ICA1: variants seen among roughly 807,000 people sequenced by gnomAD.
ICA1 encodes the protein 69 kDa islet cell autoantigen.
ICA1 carries 40 observed loss-of-function variants against 71.0 expected under a neutral mutation model. The ratio of observed to expected loss-of-function variants is 0.56; its 90% CI spans 0.44 to 0.73. The LOEUF is 0.73. Among genes scored for constraint, ICA1 ranks in the 30% least tolerant of loss-of-function variants. ICA1 has a pLI of 0.00. For missense variants in ICA1, 578 were observed against 576.5 expected (o/e 1.00, Z -0.03); for synonymous variants, 207 against 209.5 (o/e 0.99, Z 0.10).
rs562135662 is a variant in ICA1, at chr7:8,231,127, G to A, written c.183+1463C>T. On this transcript the variant is annotated intron_variant, in intron 3 of 13. Transcript: ENST00000402384. Reference sequence around the variant, plus strand: ...TGGACAGGCAGTGACTCGAAACAGCGTGACCTTTAGGCTGAAACCTGAACT... The same window carrying A: ...TGGACAGGCAGTGACTCGAAACAGCATGACCTTTAGGCTGAAACCTGAACT... Among the ~76,000 whole-genome samples the A allele has an allele frequency of 7.2e-5, 11 of 152,262 alleles. No homozygotes were observed. In the South Asian group the frequency reaches 1.9e-3, roughly 26 times the overall value.
chr7:8,150,085 G>C (rs564081742), intron 8 of ICA1, among the ~76,000 whole-genome samples: 19 of 152,292 alleles, frequency 1.2e-4, no homozygotes, highest in African/African-American at 4.6e-4. Flanking sequence ...TCATAAACAA[G>C]ATAGGTAATA....
At chr7:8,183,568 G>A (rs1377772199) in intron 6 of ICA1, among the ~76,000 whole-genome samples, 1 of 152,204 alleles carries the variant, frequency 6.6e-6, no homozygotes, top group Non-Finnish European at 1.5e-5. Flanking sequence ...GGGGCTAGAA[G>A]ACTTGGGCTA....
chr7:8,236,559 T>C (rs924245671), intron 1 of ICA1, among the ~76,000 whole-genome samples: 46 of 152,070 alleles, frequency 3.0e-4, no homozygotes, highest in African/African-American at 1.1e-3. Context: ...AACCAGCACA[T>C]TGCAAAAATA....
intron 8 of ICA1, among the ~76,000 whole-genome samples, chr7:8,150,264 C>T (rs914796118): frequency 7.2e-5 from 11 of 152,228 alleles, no homozygotes; most frequent in Middle Eastern, 3.4e-3. Flanking sequence ...GACGAGTATT[C>T]GTCTTGTGAT....
At chr7:8,242,384 T>C (rs972949238) in intron 1 of ICA1, among the ~76,000 whole-genome samples, 3 of 152,100 alleles carry the variant, frequency 2.0e-5, no homozygotes, top group Non-Finnish European at 4.4e-5. Flanking sequence ...AAAGACACAA[T>C]GTACCAGAAT....
intron 8 of ICA1, among the ~76,000 whole-genome samples, chr7:8,147,766 T>A (rs1424015965): frequency 6.6e-6 from 1 of 151,104 alleles, no homozygotes; most frequent in Non-Finnish European, 1.5e-5. Flanking sequence ...ACCATAGAAT[T>A]CACCTAACTG....
chr7:8,245,816 G>T (rs1805780028), intron 1 of ICA1, among the ~76,000 whole-genome samples: 1 of 152,086 alleles, frequency 6.6e-6, no homozygotes, highest in African/African-American at 2.4e-5. Flanking sequence ...AGCCACACGG[G>T]GTTAGTGGAT....
chr7:8,171,162 G>A (rs58035078), intron 6 of ICA1, among the ~76,000 whole-genome samples: 1 of 151,710 alleles, frequency 6.6e-6, no homozygotes, highest in East Asian at 1.9e-4. Flanking sequence ...CTCATAAAAT[G>A]AACTGGGAAG....
At chr7:8,239,650 A>C (rs1803080356) in intron 1 of ICA1, among the ~76,000 whole-genome samples, 1 of 152,320 alleles carries the variant, frequency 6.6e-6, no homozygotes, top group South Asian at 2.1e-4. Flanking sequence ...AAGCTGAGGG[A>C]AGGCATGACA....
Position 8,136,000 on chromosome 7 carries a change from A to C in ICA1, c.1060+2840T>G, listed in dbSNP as rs180862156. On this transcript the variant is annotated intron_variant, in intron 12 of 13. Coordinates refer to ENST00000402384, the MANE Select transcript of ICA1 (RefSeq NM_001136020.3). ...TGAGGTCAGATTGCCACATGTGGTCATAAGGCAGTTTGAGAGCCACTTTCA... is the reference window on the plus strand; with the variant it reads ...TGAGGTCAGATTGCCACATGTGGTCCTAAGGCAGTTTGAGAGCCACTTTCA... Among the ~76,000 whole-genome samples the C allele has an allele frequency of 2.0e-5, 3 of 152,324 alleles. No individual in the cohort carries two copies. The South Asian group carries it at 6.2e-4, about 32-fold the overall frequency.
intron 1 of ICA1, among the ~76,000 whole-genome samples, chr7:8,238,833 T>C (rs1475718711): frequency 6.6e-6 from 1 of 152,186 alleles, no homozygotes; most frequent in Non-Finnish European, 1.5e-5. Context: ...TAACAGCCAC[T>C]TGCATTGAAA....
At chr7:8,150,953 C>T (rs1029637477) in intron 8 of ICA1, among the ~76,000 whole-genome samples, 9 of 152,216 alleles carry the variant, frequency 5.9e-5, no homozygotes, top group Non-Finnish European at 8.8e-5. Flanking sequence ...CCCAGGCAAA[C>T]GACTAGACCT....
At chr7:8,201,222 C>A (rs916724437) in intron 6 of ICA1, among the ~76,000 whole-genome samples, 14 of 152,314 alleles carry the variant, frequency 9.2e-5, no homozygotes, top group Admixed American at 8.5e-4. Flanking sequence ...GTTGTACTCT[C>A]CAGCTTCTGA....
chr7:8,248,461 C>T (rs1282019312), intron 1 of ICA1, among the ~76,000 whole-genome samples: 1 of 152,184 alleles, frequency 6.6e-6, no homozygotes, highest in Non-Finnish European at 1.5e-5. Context: ...AACAGTGGCT[C>T]ATGCTTAGAA....
intron 1 of ICA1, among the ~76,000 whole-genome samples, chr7:8,253,868 G>A (rs1056424616): frequency 6.6e-6 from 1 of 152,198 alleles, no homozygotes; most frequent in Non-Finnish European, 1.5e-5. Context: ...AATAATAACA[G>A]TGTGAAGGAA....
chr7:8,260,108 C>T (rs1414640182), intron 1 of ICA1, among the ~76,000 whole-genome samples: 2 of 152,134 alleles, frequency 1.3e-5, no homozygotes, highest in Non-Finnish European at 2.9e-5. Context: ...TGTTAACTTC[C>T]TCCCTCTCTC....
chr7:8,221,294 A>T lies in ICA1; in HGVS notation c.361T>A (p.Cys121Ser). 3 of 1,613,712 alleles carry T rather than the reference A, an allele frequency of 1.9e-6. No homozygotes were observed. Among genetic ancestry groups the T allele is most frequent in the Non-Finnish European group, 2.5e-6 (3 of 1,179,694 alleles). ...ACACACCTTTGCTGGGAAGAAAAGC[A>T]GAGGGCCTTTCCTGTCGCTTGCATC... Reference protein sequence around the residue: ...KMMQATGKALCFSSQQRLALR... With the variant: ...KMMQATGKALSFSSQQRLALR... The change falls in exon 5 of 14, where the codon TGC becomes AGC. Residue 121 changes from cysteine to serine, a missense_variant. Coordinates refer to ENST00000402384, the MANE Select transcript of ICA1 (RefSeq NM_001136020.3).
At chr7:8,156,883 G>T in intron 8 of ICA1, 8 of 1,519,612 alleles carry the variant, frequency 5.3e-6, no homozygotes, top group Non-Finnish European at 5.3e-6. Flanking sequence ...TTCAATTCGC[G>T]CTTTTGGATT....
chr7:8,230,382 A>T (rs1799911842), intron 3 of ICA1, among the ~76,000 whole-genome samples: 1 of 152,238 alleles, frequency 6.6e-6, no homozygotes, highest in Middle Eastern at 3.2e-3. Context: ...TTCTATGGAT[A>T]ACTCAAGGTA....
Sources: allele counts gnomAD v4.1 joint callset (sites outside exome capture counted in the v4.1 genomes callset), GRCh38; gene constraint gnomAD v4.1.1; transcripts MANE v1.5; gene names NCBI Gene and HGNC (gene_info 2026-07-23, HGNC 2026-07-21).